The following DISC1 variants were observed in gnomAD, a reference collection of about 807,000 sequenced individuals.
DISC1 encodes DISC1 scaffold protein.
DISC1 carries 57 observed loss-of-function variants against 84.5 expected under a neutral mutation model. The observed-to-expected ratio is 0.67, with a 90% CI of 0.55 to 0.84. The LOEUF (loss-of-function observed/expected upper bound fraction) is 0.84, where lower values mean the gene tolerates loss of function less well. DISC1 is among the 40% of genes least tolerant of loss of function. The pLI is 0.00. For missense variants in DISC1, 1,000 were observed against 1,057.8 expected, an observed-to-expected ratio of 0.95 and a Z score of 0.76; for synonymous variants, 411 against 415.2, an observed-to-expected ratio of 0.99 and a Z score of 0.12.
rs761710911 is a variant in DISC1 at position 231,767,312 on chromosome 1, C to G, written c.1398+43C>G. On this transcript the variant is annotated intron_variant, in intron 5 of 12. Coordinates refer to ENST00000439617, the MANE Select transcript of DISC1 (RefSeq NM_018662.3). ...CTTCAAGAAATATGATGGCATTTTT[C>G]TTTTCTTTGAGACAGGGTCTTGCTC... 3.1e-6 allele frequency: 5 copies of G among 1,611,944 alleles called. No homozygotes were observed. In the South Asian group the frequency reaches 5.5e-5, roughly 18 times the overall value.
At chr1:231,730,689 G>A (rs530667781) in intron 3 of DISC1, among the ~76,000 whole-genome samples, 62 of 152,310 alleles carry the variant, frequency 4.1e-4, no homozygotes, top group African/African-American at 1.4e-3. Flanking sequence ...GTAGGCTGGG[G>A]TAAGATATGA....
rs1670687383 is a variant in DISC1 at position 232,039,354 on chromosome 1, A to AT, written c.*2525dup. On this transcript the variant is annotated 3_prime_UTR_variant, in exon 13 of 13. Coordinates refer to ENST00000439617, the MANE Select transcript of DISC1 (RefSeq NM_018662.3). ...ATTACTCAGACACCATCATGAAATAATTCTGTGAGGTCATGATGTATTTGA... is the reference window on the plus strand; with the variant it reads ...ATTACTCAGACACCATCATGAAATAATTTCTGTGAGGTCATGATGTATTTGA... 6.6e-6 allele frequency: 1 copy of AT among 152,222 alleles called. No individual in the cohort carries two copies. The highest frequency in any genetic ancestry group is 2.4e-5 in the African/African-American group (1 of 41,452). The allele number at this position is 152,222 out of a possible 1,614,324, so 9.4% of individuals were successfully genotyped here.
At chr1:231,842,147 C>A (rs1338407044) in intron 9 of DISC1, among the ~76,000 whole-genome samples, 2 of 152,042 alleles carry the variant, frequency 1.3e-5, no homozygotes, top group Admixed American at 1.3e-4. Flanking sequence ...CAGGCATGCA[C>A]CACCATGCCT....
intron 4 of DISC1, among the ~76,000 whole-genome samples, chr1:231,754,844 G>A (rs1573538623): frequency 6.6e-6 from 1 of 152,094 alleles, no homozygotes. Flanking sequence ...CATTTATCAA[G>A]CCAATATTAA....
intron 9 of DISC1, among the ~76,000 whole-genome samples, chr1:231,878,455 C>T (rs918319167): frequency 3.3e-5 from 5 of 152,064 alleles, no homozygotes; most frequent in African/African-American, 4.8e-5. Context: ...GGGTTGCTGG[C>T]TTCAAGGGAT....
intron 1 of DISC1, among the ~76,000 whole-genome samples, chr1:231,656,830 G>A (rs1427078494): frequency 1.3e-5 from 2 of 152,124 alleles, no homozygotes; most frequent in Non-Finnish European, 2.9e-5. Flanking sequence ...CCCTCTATGT[G>A]TCCATGTATT....
At chr1:232,012,275 G>A (rs969986930) in intron 11 of DISC1, among the ~76,000 whole-genome samples, 1 of 152,066 alleles carries the variant, frequency 6.6e-6, no homozygotes, top group Non-Finnish European at 1.5e-5. Flanking sequence ...CTCACTTTTT[G>A]TCAAGAAGTA....
chr1:231,850,399 T>C (rs2083806667), intron 9 of DISC1, among the ~76,000 whole-genome samples: 2 of 152,248 alleles, frequency 1.3e-5, no homozygotes, highest in Admixed American at 1.3e-4. Flanking sequence ...TGTCTGTCTG[T>C]ACAATGCTAG....
At chr1:231,930,410 T>G (rs2090588590) in intron 9 of DISC1, among the ~76,000 whole-genome samples, 1 of 152,174 alleles carries the variant, frequency 6.6e-6, no homozygotes, top group East Asian at 1.9e-4. Flanking sequence ...TTGTACACAT[T>G]AAACTTATCT....
intron 8 of DISC1, among the ~76,000 whole-genome samples, chr1:231,814,078 A>C (rs1000130174): frequency 1.3e-5 from 2 of 152,154 alleles, no homozygotes; most frequent in South Asian, 4.1e-4. Context: ...AGGTTTCAGA[A>C]TGCCTTTAAG....
At chr1:231,811,513 A>G (rs899132950) in intron 8 of DISC1, among the ~76,000 whole-genome samples, 2 of 152,244 alleles carry the variant, frequency 1.3e-5, no homozygotes, top group Non-Finnish European at 2.9e-5. Context: ...CATTCTCAGC[A>G]CTGGCTTTAT....
At chr1:231,864,949 A>C (rs1489979849) in intron 9 of DISC1, among the ~76,000 whole-genome samples, 3 of 152,164 alleles carry the variant, frequency 2.0e-5, no homozygotes, top group Non-Finnish European at 4.4e-5. Flanking sequence ...ATCTCCTTTG[A>C]AAGTTTCTCA....
At chr1:231,840,679 T>C (rs2082973483) in intron 9 of DISC1, among the ~76,000 whole-genome samples, 1 of 151,586 alleles carries the variant, frequency 6.6e-6, no homozygotes, top group Non-Finnish European at 1.5e-5. Flanking sequence ...AGGGAATTCT[T>C]GGTTTTGTTT....
At chr1:231,840,020 T>G (rs1168548733) in intron 9 of DISC1, among the ~76,000 whole-genome samples, 1 of 152,118 alleles carries the variant, frequency 6.6e-6, no homozygotes, top group Non-Finnish European at 1.5e-5. Flanking sequence ...GGGGCAAACA[T>G]CTAAACTATA....
chr1:231,793,258 A>G (rs199857171), intron 6 of DISC1, among the ~76,000 whole-genome samples: 2 of 151,944 alleles, frequency 1.3e-5, no homozygotes, highest in Non-Finnish European at 2.9e-5. Flanking sequence ...CCCAACACAT[A>G]CCCCAGAAAC....
chr1:231,791,033 C>G (rs999951342), intron 6 of DISC1, among the ~76,000 whole-genome samples: 10 of 152,158 alleles, frequency 6.6e-5, no homozygotes, highest in Admixed American at 1.3e-4. Context: ...CCACAGCCAC[C>G]CCCCAGGCTC....
chr1:231,791,308 C>T (rs2738888), intron 6 of DISC1, among the ~76,000 whole-genome samples: 132,758 of 152,202 alleles, frequency 0.87, 57,979 homozygotes, highest in Admixed American at 0.91. Flanking sequence ...TATTGTTCAA[C>T]AGTTAGGAGA....
At chr1:231,992,803 T>C (rs908931218) in intron 10 of DISC1, among the ~76,000 whole-genome samples, 12 of 152,224 alleles carry the variant, frequency 7.9e-5, no homozygotes, top group African/African-American at 2.9e-4. Flanking sequence ...TGCTTCTCAT[T>C]GTAGGAGTCC....
chr1:232,019,562 G>C (rs1056123024), intron 11 of DISC1, among the ~76,000 whole-genome samples: 1 of 152,092 alleles, frequency 6.6e-6, no homozygotes, highest in Non-Finnish European at 1.5e-5. Context: ...AGTCTTGCAG[G>C]CTTTCTCTTT....
Sources: gnomAD v4.1 joint callset for allele counts (sites outside exome capture counted in the v4.1 genomes callset) on GRCh38, gnomAD v4.1.1 for gene constraint, MANE v1.5 for transcripts, NCBI Gene and HGNC (gene_info 2026-07-23, HGNC 2026-07-21) for gene names.